Variants in RSPH14 observed in about 807,000 individuals in gnomAD.
RSPH14 encodes the protein rhabdoid tumor deletion region gene 1.
In RSPH14, 20 loss-of-function variants were observed where a neutral mutation model predicts 26.7. That is an observed-to-expected ratio of 0.75 (90% CI 0.53 to 1.09). The LOEUF (loss-of-function observed/expected upper bound fraction) is 1.09. RSPH14 is among the 50% of genes least tolerant of loss of function. The pLI is 0.00. For synonymous variants in RSPH14, 177 were observed against 189.3 expected, an observed-to-expected ratio of 0.93 and a Z score of 0.53; for missense variants, 449 against 457.2, an observed-to-expected ratio of 0.98 and a Z score of 0.16.
chr22:23,160,750 T>C, the RSPH14 span: 6 of 1,300,172 alleles, frequency 4.6e-6, no homozygotes, highest in Non-Finnish European at 6.4e-6. Flanking sequence ...GGGTCATTGT[T>C]ACTGTCAGGG....
chr22:23,123,328 C>G (rs757062183), intron 4 of RSPH14: 1 of 1,613,954 alleles, frequency 6.2e-7, no homozygotes, highest in South Asian at 1.1e-5. Flanking sequence ...GAGATCTACT[C>G]CCACTTCACC....
intron 4 of RSPH14, chr22:23,123,342 G>A (rs1287229592): frequency 1.9e-6 from 3 of 1,613,862 alleles, no homozygotes; most frequent in Non-Finnish European, 2.5e-6. Context: ...CTTCACCTGC[G>A]CCACCGACAC....
intron 2 of RSPH14, 23 bp downstream of exon 2, chr22:23,140,199 C>A: frequency 1.2e-6 from 2 of 1,611,434 alleles, no homozygotes; most frequent in South Asian, 2.2e-5. Flanking sequence ...CAGTCATGGT[C>A]ACCTGTGCTG....
At chr22:23,156,666 C>T in the RSPH14 span, among the ~76,000 whole-genome samples, 3 of 152,260 alleles carry the variant, frequency 2.0e-5, no homozygotes, top group Non-Finnish European at 4.4e-5. Flanking sequence ...ACCGATATGT[C>T]TACTCGGTAG....
chr22:23,145,390 A>C (rs1407558504), upstream of RSPH14: 17 of 1,608,604 alleles, frequency 1.1e-5, no homozygotes, highest in Non-Finnish European at 1.3e-5. Flanking sequence ...TGCAAGCTGG[A>C]TGCTTGGACG....
the RSPH14 span, chr22:23,152,556 C>T: frequency 1.2e-6 from 2 of 1,603,124 alleles, no homozygotes; most frequent in Admixed American, 1.7e-5. Context: ...CCTTTGGCCA[C>T]CTCCCCCAGC....
chr22:23,140,054 C>T (rs1415015193), intron 2 of RSPH14, among the ~76,000 whole-genome samples, 168 bp downstream of exon 2: 1 of 152,112 alleles, frequency 6.6e-6, no homozygotes, highest in African/African-American at 2.4e-5. Context: ...GCAAGACCCT[C>T]CCTCAATAAA....
At chr22:23,081,821 CAAAAAA>C (rs55713577) in intron 4 of RSPH14, among the ~76,000 whole-genome samples, 1 of 46,746 alleles carries the variant, frequency 2.1e-5, no homozygotes, top group South Asian at 9.3e-4. Flanking sequence ...GATTCCATCT[CAAAAAA>C]AAAAAAAAAA....
chr22:23,066,612 C>T (rs1243706709), intron 4 of RSPH14, among the ~76,000 whole-genome samples: 1 of 152,172 alleles, frequency 6.6e-6, no homozygotes, highest in Non-Finnish European at 1.5e-5. Context: ...TTCTTTTCAG[C>T]TAAAAGAAGA....
Position 23,097,580 on chromosome 22 carries a change from G to A in RSPH14, c.422-33447C>T, listed in dbSNP as rs139415583. 5.0e-3 allele frequency among the ~76,000 whole-genome samples: 757 copies of A among 152,384 alleles called. 5 individuals are homozygous for A. Among genetic ancestry groups the A allele is most frequent in the African/African-American group, 0.018 (734 of 41,598 alleles). ...GGGGAAACGAATGACGGACGGGCAG[G>A]CAGGTGTGTACGCAGGCGGCTGCGT... On this transcript the variant is annotated intron_variant, in intron 4 of 6. Transcript: ENST00000216036.
intron 4 of RSPH14, chr22:23,123,492 C>T (rs1004309052): frequency 2.5e-5 from 28 of 1,130,578 alleles, no homozygotes; most frequent in African/African-American, 3.1e-5. Context: ...TGCCCCAACG[C>T]GTGCTAGAGA....
chr22:23,072,288 C>T (rs2068398952), intron 4 of RSPH14, among the ~76,000 whole-genome samples: 1 of 152,114 alleles, frequency 6.6e-6, no homozygotes, highest in Admixed American at 6.5e-5. Flanking sequence ...TGGGAGCATC[C>T]ATCTACGGGG....
chr22:23,089,704 A>AG (rs1419124299), intron 4 of RSPH14, among the ~76,000 whole-genome samples: 2 of 152,156 alleles, frequency 1.3e-5, no homozygotes, highest in Non-Finnish European at 2.9e-5. Context: ...GAGGGTCTTG[A>AG]GGGGGATGTC....
intron 3 of RSPH14, among the ~76,000 whole-genome samples, chr22:23,135,317 C>CAAAAA (rs55649510): frequency 8.2e-5 from 7 of 85,886 alleles, no homozygotes; most frequent in African/African-American, 1.8e-4. Context: ...ACTAAAAATA[C>CAAAAA]AAAAAAAAAA....
At chr22:23,089,684 G>A (rs2068910885) in intron 4 of RSPH14, among the ~76,000 whole-genome samples, 1 of 152,194 alleles carries the variant, frequency 6.6e-6, no homozygotes, top group African/African-American at 2.4e-5. Context: ...CTGGACGGTG[G>A]GTGAGAAGGG....
At chr22:23,175,991 G>T in the RSPH14 span, among the ~76,000 whole-genome samples, 2 of 152,206 alleles carry the variant, frequency 1.3e-5, no homozygotes, top group South Asian at 4.1e-4. Flanking sequence ...TCCAGTAACT[G>T]TCCCTTCTCC....
intron 4 of RSPH14, among the ~76,000 whole-genome samples, chr22:23,104,942 G>A (rs2069418316): frequency 6.6e-6 from 1 of 152,230 alleles, no homozygotes; most frequent in South Asian, 2.1e-4. Flanking sequence ...AGAGTGAAAG[G>A]TGTTTCTTCT....
intron 4 of RSPH14, among the ~76,000 whole-genome samples, chr22:23,093,396 A>G (rs2069042012): frequency 6.6e-6 from 1 of 152,090 alleles, no homozygotes; most frequent in South Asian, 2.1e-4. Flanking sequence ...CCCACTGTGC[A>G]CTGGGCACTG....
At chr22:23,138,811 T>A (rs2070529992) in intron 3 of RSPH14, 29 bp downstream of exon 3, 1 of 1,535,060 alleles carries the variant, frequency 6.5e-7, no homozygotes. Flanking sequence ...CTCGCAAGCG[T>A]CACACTGGTT....
Sources: gnomAD v4.1 joint callset for allele counts (sites outside exome capture counted in the v4.1 genomes callset) on GRCh38, gnomAD v4.1.1 for gene constraint, MANE v1.5 for transcripts, NCBI Gene and HGNC (gene_info 2026-07-23, HGNC 2026-07-21) for gene names.